Variants in FTO observed in about 807,000 individuals in gnomAD.
FTO encodes the protein FTO alpha-ketoglutarate dependent dioxygenase, also known as alpha-ketoglutarate-dependent dioxygenase FTO.
FTO carries 47 observed loss-of-function variants against 63.9 expected under a neutral mutation model. That is an observed-to-expected ratio of 0.74 (90% CI 0.58 to 0.94). The LOEUF is 0.94. Among genes scored for constraint, FTO ranks in the 40% least tolerant of loss-of-function variants. FTO has a pLI of 0.00. For missense variants in FTO, 562 were observed against 618.1 expected (o/e 0.91, Z 0.96); for synonymous variants, 207 against 224.4 (o/e 0.92, Z 0.69).
At chr16:54,104,870 G>A (rs761743623) in intron 8 of FTO, among the ~76,000 whole-genome samples, 1 of 152,178 alleles carries the variant, frequency 6.6e-6, no homozygotes, top group African/African-American at 2.4e-5. Context: ...ATTTGCGAGC[G>A]TTACAAGCCC....
intron 8 of FTO, among the ~76,000 whole-genome samples, chr16:53,939,669 A>T (rs750519803): frequency 7.2e-5 from 11 of 152,108 alleles, no homozygotes; most frequent in Non-Finnish European, 8.8e-5. Context: ...TTTTATCTCT[A>T]CAGATTTGCC....
chr16:53,780,212 C>G (rs981215696), intron 1 of FTO, among the ~76,000 whole-genome samples: 1 of 152,062 alleles, frequency 6.6e-6, no homozygotes, highest in Non-Finnish European at 1.5e-5. Flanking sequence ...TCACTGTGCT[C>G]CAGACTCACT....
At chr16:53,732,446 T>G (rs2151515505) in intron 1 of FTO, among the ~76,000 whole-genome samples, 1 of 152,302 alleles carries the variant, frequency 6.6e-6, no homozygotes, top group Non-Finnish European at 1.5e-5. Flanking sequence ...ACAAATATCC[T>G]GTTACCTCCT....
chr16:53,807,443 T>C lies in FTO; in HGVS notation c.46-2697T>C, dbSNP rs556437799. ...TGAGAAGTGGTGGTTGTTACAAGAA[T>C]TTAGCTGAAGCATTAATTATAAGCA... On this transcript the variant is annotated intron_variant, in intron 1 of 8. Coordinates refer to ENST00000471389, the MANE Select transcript of FTO (RefSeq NM_001080432.3). 2.7e-4 allele frequency among the ~76,000 whole-genome samples: 41 copies of C among 152,334 alleles called. No homozygotes were observed. In the South Asian group the frequency reaches 6.4e-3, roughly 24 times the overall value.
intron 8 of FTO, among the ~76,000 whole-genome samples, chr16:54,041,690 G>A (rs2085079614): frequency 6.6e-6 from 1 of 152,136 alleles, no homozygotes; most frequent in African/African-American, 2.4e-5. Context: ...TTCCCAGGAT[G>A]TCTCCACTTC....
intron 8 of FTO, among the ~76,000 whole-genome samples, chr16:53,982,128 A>G (rs1267591418): frequency 1.3e-5 from 2 of 152,048 alleles, no homozygotes; most frequent in African/African-American, 4.8e-5. Flanking sequence ...CAATATCTCC[A>G]TCCTAAGCCT....
intron 2 of FTO, among the ~76,000 whole-genome samples, chr16:53,815,146 G>C (rs886257894): frequency 1.3e-5 from 2 of 152,040 alleles, no homozygotes; most frequent in African/African-American, 4.8e-5. Context: ...TGTAAGTTCT[G>C]TAAGAAGAGC....
At chr16:54,007,703 C>T (rs1259423153) in intron 8 of FTO, among the ~76,000 whole-genome samples, 1 of 152,216 alleles carries the variant, frequency 6.6e-6, no homozygotes, top group Non-Finnish European at 1.5e-5. Flanking sequence ...AGACAGCCAT[C>T]ACCCTACTCC....
At chr16:53,774,661 G>C (rs1364553511) in intron 1 of FTO, among the ~76,000 whole-genome samples, 1 of 152,148 alleles carries the variant, frequency 6.6e-6, no homozygotes, top group Non-Finnish European at 1.5e-5. Context: ...TAGGGAAATA[G>C]GTTGATATAA....
chr16:53,860,881 A>AACACACACACACAC (rs35826323), intron 4 of FTO, among the ~76,000 whole-genome samples: 4 of 145,726 alleles, frequency 2.7e-5, no homozygotes, highest in African/African-American at 7.5e-5. Flanking sequence ...AAATGTTTTT[A>AACACACACACACAC]ACACACACAC....
chr16:53,920,991 A>G (rs1567438458), intron 7 of FTO, among the ~76,000 whole-genome samples: 3 of 152,188 alleles, frequency 2.0e-5, no homozygotes, highest in South Asian at 2.1e-4. Flanking sequence ...GGGTAGATAT[A>G]TACAAAGGAG....
rs181044418 is a variant in FTO at position 53,713,402 on chromosome 16, G to A, written c.45+9173G>A. The stretch of plus-strand genomic sequence containing the variant: ...GAGGAGAGGAACTTTTGTTAAGGTG[G>A]TACTTTTGGAACCTTAATGAAAAAC... On this transcript the variant is annotated intron_variant, in intron 1 of 8. Transcript: ENST00000471389. Among the ~76,000 whole-genome samples the A allele has an allele frequency of 3.3e-5, 5 of 152,218 alleles. No individual in the cohort carries two copies. The East Asian group carries it at 9.7e-4, about 29-fold the overall frequency.
At chr16:53,903,041 T>TG (rs1427925260) in intron 7 of FTO, among the ~76,000 whole-genome samples, 2 of 152,112 alleles carry the variant, frequency 1.3e-5, no homozygotes, top group Non-Finnish European at 2.9e-5. Context: ...GTCTAGGAGT[T>TG]GGAGGTTACA....
chr16:53,761,578 A>G (rs1420137752), intron 1 of FTO, among the ~76,000 whole-genome samples: 1 of 152,224 alleles, frequency 6.6e-6, no homozygotes, highest in Non-Finnish European at 1.5e-5. Context: ...ACAAAATTTA[A>G]TATGGAGAAA....
chr16:53,874,559 A>G (rs936767188), intron 5 of FTO, among the ~76,000 whole-genome samples: 2 of 152,354 alleles, frequency 1.3e-5, no homozygotes, highest in East Asian at 3.9e-4. Flanking sequence ...CTTGCTATCC[A>G]TGCTTTGCTT....
chr16:53,974,391 C>T (rs999740504), intron 8 of FTO, among the ~76,000 whole-genome samples: 1 of 152,068 alleles, frequency 6.6e-6, no homozygotes, highest in Admixed American at 6.6e-5. Flanking sequence ...TGTTATTGTT[C>T]AGAATTGAAG....
At chr16:54,094,799 G>T (rs1388701770) in intron 8 of FTO, among the ~76,000 whole-genome samples, 2 of 152,182 alleles carry the variant, frequency 1.3e-5, no homozygotes, top group African/African-American at 4.8e-5. Flanking sequence ...AATACTGTGT[G>T]TAGGTAGAGC....
intron 1 of FTO, among the ~76,000 whole-genome samples, chr16:53,752,522 A>G (rs1173910170): frequency 6.6e-6 from 1 of 152,214 alleles, no homozygotes; most frequent in African/African-American, 2.4e-5. Flanking sequence ...ATCTTAATTC[A>G]AAAGGGTAGT....
In FTO at chr16:53,752,821, C is replaced by T. The variant is rs528577877; in HGVS notation, c.45+48592C>T. On this transcript the variant is annotated intron_variant, in intron 1 of 8. Coordinates refer to ENST00000471389, the MANE Select transcript of FTO (RefSeq NM_001080432.3). The stretch of plus-strand genomic sequence containing the variant: ...CTGCCCACAATTATTTTAATGTCTC[C>T]TCTGAAATGATAAATGAACTTTATA... 2.6e-5 allele frequency among the ~76,000 whole-genome samples: 4 copies of T among 152,198 alleles called. No homozygotes were observed. The East Asian group carries it at 7.7e-4, about 29-fold the overall frequency.
Sources: gnomAD v4.1 joint callset for allele counts (sites outside exome capture counted in the v4.1 genomes callset) on GRCh38, gnomAD v4.1.1 for gene constraint, MANE v1.5 for transcripts, NCBI Gene and HGNC (gene_info 2026-07-23, HGNC 2026-07-21) for gene names.